Variants in ERBB4 observed in about 807,000 individuals in gnomAD.
ERBB4 encodes erb-b2 receptor tyrosine kinase 4.
Under a neutral mutation model 158.0 loss-of-function variants are expected in ERBB4, and 42 were observed. The observed-to-expected ratio is 0.27, with a 90% CI of 0.21 to 0.34. The LOEUF (loss-of-function observed/expected upper bound fraction) is 0.34. Among genes scored for constraint, ERBB4 ranks in the 10% least tolerant of loss-of-function variants. The pLI, the probability that ERBB4 is intolerant of heterozygous loss-of-function variation, is 1.00. For missense variants in ERBB4, 1,333 were observed against 1,624.1 expected (o/e 0.82, Z 3.08); for synonymous variants, 583 against 558.7 (o/e 1.04, Z -0.61).
At chr2:211,585,582 T>C (rs1393422287) in intron 19 of ERBB4, among the ~76,000 whole-genome samples, 1 of 152,220 alleles carries the variant, frequency 6.6e-6, no homozygotes, top group Non-Finnish European at 1.5e-5. Flanking sequence ...TAAATCAGTT[T>C]ATTAACTTCA....
rs967652243 is a variant in ERBB4, at chr2:211,982,260, A to T, written c.235-34644T>A. On this transcript the variant is annotated intron_variant, in intron 2 of 27. Coordinates refer to ENST00000342788, the MANE Select transcript of ERBB4 (RefSeq NM_005235.3). ...TACAAGCAGTAATCAAGCAATTACA[A>T]CTTAGTAACAATCAGTGTTACTAAA... is the stretch of plus-strand genomic sequence containing the variant. Among the ~76,000 whole-genome samples, 8 of 152,176 alleles carry T rather than the reference A, an allele frequency of 5.3e-5. No individual in the cohort carries two copies. The East Asian group carries it at 1.3e-3, about 26-fold the overall frequency.
chr2:211,501,627 C>T (rs1209789885), intron 20 of ERBB4, among the ~76,000 whole-genome samples: 1 of 151,794 alleles, frequency 6.6e-6, no homozygotes, highest in African/African-American at 2.4e-5. Flanking sequence ...TGCTTAAGTA[C>T]ATATGAACAT....
chr2:211,663,250 G>T (rs1559393631), intron 15 of ERBB4, among the ~76,000 whole-genome samples: 1 of 152,212 alleles, frequency 6.6e-6, no homozygotes, highest in Non-Finnish European at 1.5e-5. Flanking sequence ...TTTATGAAGT[G>T]AGTGAATCTG....
At chr2:212,433,274 A>C (rs1275988114) in intron 1 of ERBB4, among the ~76,000 whole-genome samples, 1 of 152,044 alleles carries the variant, frequency 6.6e-6, no homozygotes, top group Non-Finnish European at 1.5e-5. Context: ...TTCAGTTTAC[A>C]TCAATTATAA....
chr2:211,544,868 C>A (rs1411453791), intron 20 of ERBB4, among the ~76,000 whole-genome samples: 1 of 152,034 alleles, frequency 6.6e-6, no homozygotes. Flanking sequence ...TCATTACTTT[C>A]CCTTATGGTT....
chr2:212,048,799 T>C (rs1302401960), intron 2 of ERBB4, among the ~76,000 whole-genome samples: 1 of 152,190 alleles, frequency 6.6e-6, no homozygotes, highest in Non-Finnish European at 1.5e-5. Context: ...ATACGTAGTA[T>C]TTAAAACCCT....
chr2:211,989,423 C>T (rs10205159), intron 2 of ERBB4, among the ~76,000 whole-genome samples: 98,637 of 151,704 alleles, frequency 0.65, 35,679 homozygotes, highest in Non-Finnish European at 0.82. Context: ...CTGCCCAACA[C>T]TGTTATTTAA....
chr2:212,519,786 TAG>T (rs1414584460), intron 1 of ERBB4, among the ~76,000 whole-genome samples: 1 of 151,810 alleles, frequency 6.6e-6, no homozygotes, highest in Non-Finnish European at 1.5e-5. Context: ...CAGGGGAATA[TAG>T]AGAGAGGTTG....
chr2:211,512,844 A>T (rs1285873161), intron 20 of ERBB4, among the ~76,000 whole-genome samples: 1 of 152,116 alleles, frequency 6.6e-6, no homozygotes, highest in Non-Finnish European at 1.5e-5. Context: ...AATAACAAAG[A>T]TCTGTCTCCC....
At chr2:211,422,198 ATGT>A in intron 23 of ERBB4, 94 bp from the exon 24 acceptor site, 2 of 726,814 alleles carry the variant, frequency 2.8e-6, no homozygotes, top group Non-Finnish European at 4.8e-6. Context: ...AGTTTGAAAA[ATGT>A]TGTTTTAATC....
At chr2:211,610,885 T>G (rs1223875590) in intron 19 of ERBB4, among the ~76,000 whole-genome samples, 1 of 152,110 alleles carries the variant, frequency 6.6e-6, no homozygotes, top group Non-Finnish European at 1.5e-5. Context: ...AAAAGTTAAT[T>G]AAGTTACAGG....
intron 3 of ERBB4, among the ~76,000 whole-genome samples, chr2:211,850,341 TATTC>T (rs1278580959): frequency 6.6e-6 from 1 of 151,856 alleles, no homozygotes. Flanking sequence ...TTCATATACA[TATTC>T]ATATACATAT....
chr2:211,502,445 T>G (rs1423898381), intron 20 of ERBB4, among the ~76,000 whole-genome samples: 4 of 152,168 alleles, frequency 2.6e-5, no homozygotes, highest in African/African-American at 9.6e-5. Flanking sequence ...TTATAAACAT[T>G]CAATTACCTA....
rs536304658 is a variant in ERBB4 at position 212,209,929 on chromosome 2, C to A, written c.83-85026G>T. ...AACCAGTCAGCCTATTTCCTTGTCA[C>A]TTGCTTGACTGACCTGCATTGTTTT... On this transcript the variant is annotated intron_variant, in intron 1 of 27. Coordinates refer to ENST00000342788, the MANE Select transcript of ERBB4 (RefSeq NM_005235.3). 2.0e-5 allele frequency among the ~76,000 whole-genome samples: 3 copies of A among 152,148 alleles called. No homozygotes were observed. In the East Asian group the frequency reaches 5.8e-4, roughly 30 times the overall value.
chr2:212,310,816 G>C (rs2087012327), intron 1 of ERBB4, among the ~76,000 whole-genome samples: 1 of 150,190 alleles, frequency 6.7e-6, no homozygotes, highest in African/African-American at 2.4e-5. Context: ...CCAGTGTCTG[G>C]TAGAAGTAGA....
At chr2:212,399,457 A>G (rs2091127299) in intron 1 of ERBB4, among the ~76,000 whole-genome samples, 1 of 150,202 alleles carries the variant, frequency 6.7e-6, no homozygotes, top group Admixed American at 6.7e-5. Context: ...CACAATGGTG[A>G]TCACTCAGAT....
chr2:212,256,746 G>C (rs1271250985), intron 1 of ERBB4, among the ~76,000 whole-genome samples: 1 of 152,104 alleles, frequency 6.6e-6, no homozygotes. Flanking sequence ...GGATCTACAT[G>C]ATTTTAAAAC....
At chr2:211,906,945 T>C (rs13391359) in intron 3 of ERBB4, among the ~76,000 whole-genome samples, 24,184 of 151,520 alleles carry the variant, frequency 0.16, 2,242 homozygotes, top group South Asian at 0.27. Flanking sequence ...GTTATGGTCA[T>C]TGGTATAAAG....
intron 1 of ERBB4, among the ~76,000 whole-genome samples, chr2:212,328,295 G>T (rs2087960321): frequency 6.6e-6 from 1 of 152,008 alleles, no homozygotes; most frequent in Non-Finnish European, 1.5e-5. Context: ...AACTACTAAT[G>T]CAGTGGCTCA....
Sources: gnomAD v4.1 joint callset for allele counts (sites outside exome capture counted in the v4.1 genomes callset) on GRCh38, gnomAD v4.1.1 for gene constraint, MANE v1.5 for transcripts, NCBI Gene and HGNC (gene_info 2026-07-23, HGNC 2026-07-21) for gene names.